PHIP: variants seen among roughly 807,000 people sequenced by gnomAD.
PHIP encodes the protein PH-interacting protein.
PHIP carries 54 observed loss-of-function variants against 236.8 expected under a neutral mutation model. The ratio of observed to expected loss-of-function variants is 0.23; its 90% CI spans 0.18 to 0.29. PHIP has a LOEUF of 0.29. Among genes scored for constraint, PHIP ranks in the 10% least tolerant of loss-of-function variants. The pLI, the probability that PHIP is intolerant of heterozygous loss-of-function variation, is 1.00. For missense variants in PHIP, 1,370 were observed against 2,190.8 expected (o/e 0.63, Z 7.48); for synonymous variants, 756 against 718.9 (o/e 1.05, Z -0.83).
chr6:78,959,582 C>T (rs1198528114), intron 31 of PHIP, among the ~76,000 whole-genome samples: 1 of 152,078 alleles, frequency 6.6e-6, no homozygotes, highest in African/African-American at 2.4e-5. Flanking sequence ...AAGCAAAAAC[C>T]TACTTACATT....
chr6:79,057,853 C>T (rs903825021), intron 6 of PHIP, among the ~76,000 whole-genome samples: 4 of 151,996 alleles, frequency 2.6e-5, no homozygotes, highest in Admixed American at 6.6e-5. Flanking sequence ...GGCAAGAAGA[C>T]TGATGAATTA....
rs72226338 is a variant in PHIP at position 79,059,591 on chromosome 6, TTATATATATATATATA to T, written c.439+871_439+886del. Among the ~76,000 whole-genome samples, 101 of 84,762 alleles carry T rather than the reference TTATATATATATATATA, an allele frequency of 1.2e-3. 1 individual carries two copies. The South Asian group carries it at 0.018, about 15-fold the overall frequency. 55.6% of individuals were successfully genotyped at this position (84,762 alleles called of 152,430 possible). On this transcript the variant is annotated intron_variant, in intron 6 of 39. Coordinates refer to ENST00000275034, the MANE Select transcript of PHIP (RefSeq NM_017934.7). ...AGGAAACAAAAAGTTGAAAGCAAAA[TTATATATATATATATA>T]TATATATATATATATATAAAAATGC...
Position 79,077,900 on chromosome 6 carries a change from G to A in PHIP, c.54C>T (p.Leu18=). ...GTCCATCTTCCAGGAACCGGGCGAT[G>A]AGGAAGTAGAGCTCTGCGCGGGAGA... is the stretch of plus-strand genomic sequence containing the variant. ...LSELRSELYF[L]IARFLEDGPC... Residue 18 remains leucine, a synonymous_variant, in exon 2 of 40, where the codon CTC becomes CTT. Transcript: ENST00000275034. 1 of 1,592,620 alleles carries A rather than the reference G, an allele frequency of 6.3e-7. No individual in the cohort carries two copies. The highest frequency in any genetic ancestry group is 1.1e-5 in the South Asian group (1 of 88,542).
chr6:79,006,954 G>A (rs181691194), intron 15 of PHIP, among the ~76,000 whole-genome samples: 1 of 152,048 alleles, frequency 6.6e-6, no homozygotes, highest in Admixed American at 6.5e-5. Context: ...GAAAATAAAA[G>A]TATATTCAGC....
chr6:79,000,790 C>A (rs562878786), intron 17 of PHIP, among the ~76,000 whole-genome samples: 1 of 152,068 alleles, frequency 6.6e-6, no homozygotes, highest in Non-Finnish European at 1.5e-5. Context: ...GCTGTGTCCA[C>A]GTACTGAGAC....
intron 6 of PHIP, among the ~76,000 whole-genome samples, chr6:79,043,483 A>C (rs1418557487): frequency 6.6e-6 from 1 of 152,176 alleles, no homozygotes; most frequent in Non-Finnish European, 1.5e-5. Context: ...CTTTATAACA[A>C]GTGAAGATAA....
At position 79,003,871 on chromosome 6, in the gene PHIP, TAACC is replaced by T; in HGVS notation, c.1525-17_1525-14del. ...CTTGGCCTTCAATCTGAAATATATTTAACCAACAGTAAGAAAACTACCATTAAAA... is the reference window on the plus strand; with the variant it reads ...CTTGGCCTTCAATCTGAAATATATTTAACAGTAAGAAAACTACCATTAAAA... On this transcript the variant is annotated splice_polypyrimidine_tract_variant and intron_variant, in intron 15 of 39. Coordinates refer to ENST00000275034, the MANE Select transcript of PHIP (RefSeq NM_017934.7). 1.4e-5 allele frequency: 22 copies of T among 1,548,044 alleles called. No individual in the cohort carries two copies. The highest frequency in any genetic ancestry group is 1.9e-5 in the Non-Finnish European group (22 of 1,144,790).
chr6:78,972,725 A>T (rs1767685431), intron 24 of PHIP, among the ~76,000 whole-genome samples: 1 of 152,252 alleles, frequency 6.6e-6, no homozygotes. Flanking sequence ...GAACTATGTG[A>T]AGAATGCAGA....
intron 27 of PHIP, among the ~76,000 whole-genome samples, chr6:78,966,598 AAAT>A (rs1767147930): frequency 6.6e-6 from 1 of 152,160 alleles, no homozygotes; most frequent in South Asian, 2.1e-4. Context: ...AAAGAAACAA[AAAT>A]AAAACAACTA....
At chr6:79,049,050 T>C (rs1206810734) in intron 6 of PHIP, among the ~76,000 whole-genome samples, 1 of 152,030 alleles carries the variant, frequency 6.6e-6, no homozygotes, top group Non-Finnish European at 1.5e-5. Context: ...TAATTCATTT[T>C]TTATCCTCTT....
intron 30 of PHIP, 150 bp from the exon 31 acceptor site, chr6:78,961,960 A>G: frequency 1.6e-6 from 1 of 609,640 alleles, no homozygotes; most frequent in Non-Finnish European, 2.8e-6. Flanking sequence ...TGTAGCTGAC[A>G]TAAAGAGTCT....
chr6:79,060,033 C>T (rs1287970419), intron 6 of PHIP, among the ~76,000 whole-genome samples: 1 of 151,058 alleles, frequency 6.6e-6, no homozygotes, highest in East Asian at 1.9e-4. Flanking sequence ...ATGTGAAAGG[C>T]ATGAACCTAG....
At chr6:78,946,317 C>T in intron 37 of PHIP, 57 bp from the exon 38 acceptor site, 1 of 1,503,166 alleles carries the variant, frequency 6.7e-7, no homozygotes, top group South Asian at 1.3e-5. Flanking sequence ...ACGAATAAAA[C>T]AGTTTATAAT....
At chr6:79,064,563 A>C (rs1773532373) in intron 4 of PHIP, among the ~76,000 whole-genome samples, 1 of 152,200 alleles carries the variant, frequency 6.6e-6, no homozygotes, top group African/African-American at 2.4e-5. Context: ...TCTATACCTT[A>C]TTTAATGTCC....
intron 19 of PHIP, among the ~76,000 whole-genome samples, chr6:78,994,044 T>C (rs935571026): frequency 2.0e-5 from 3 of 152,262 alleles, no homozygotes; most frequent in South Asian, 2.1e-4. Context: ...CCAACCCTCA[T>C]AGATGATTCC....
chr6:79,024,884 C>G (rs1771315957), intron 9 of PHIP, among the ~76,000 whole-genome samples: 1 of 152,120 alleles, frequency 6.6e-6, no homozygotes, highest in Non-Finnish European at 1.5e-5. Context: ...TAGTCCTGGC[C>G]TTGCCAATTT....
At chr6:79,022,437 A>G (rs1454291180) in intron 9 of PHIP, among the ~76,000 whole-genome samples, 1 of 152,134 alleles carries the variant, frequency 6.6e-6, no homozygotes, top group East Asian at 1.9e-4. Flanking sequence ...GTAGTATTTA[A>G]ATCCTGGCTC....
chr6:78,945,972 T>C, intron 38 of PHIP, 29 bp downstream of exon 38: 2 of 1,525,988 alleles, frequency 1.3e-6, no homozygotes, highest in African/African-American at 1.4e-5. Context: ...AATCATCATA[T>C]ACATTTCAAT....
intron 15 of PHIP, among the ~76,000 whole-genome samples, 172 bp downstream of exon 15, chr6:79,014,910 T>C (rs936520641): frequency 6.6e-6 from 1 of 151,924 alleles, no homozygotes; most frequent in East Asian, 1.9e-4. Flanking sequence ...AATTTTCTTT[T>C]AAATTCAGCA....
Sources: gnomAD v4.1 joint callset for allele counts (sites outside exome capture counted in the v4.1 genomes callset) on GRCh38, gnomAD v4.1.1 for gene constraint, MANE v1.5 for transcripts, NCBI Gene and HGNC (gene_info 2026-07-23, HGNC 2026-07-21) for gene names.